Variants in LRMDA observed in about 807,000 individuals in gnomAD.
LRMDA encodes the protein leucine-rich melanocyte differentiation-associated protein.
In LRMDA, 18 loss-of-function variants were observed where a neutral mutation model predicts 29.8. The observed-to-expected ratio is 0.60, with a 90% CI of 0.42 to 0.90. LRMDA has a LOEUF of 0.90. Ranked by LOEUF, LRMDA falls within the 40% of genes least tolerant of loss-of-function variation. The pLI, the probability that LRMDA is intolerant of heterozygous loss-of-function variation, is 0.00. For missense variants in LRMDA, 273 were observed against 273.9 expected, an observed-to-expected ratio of 1.00 and a Z score of 0.02; for synonymous variants, 125 against 109.4, an observed-to-expected ratio of 1.14 and a Z score of -0.89.
chr10:75,490,031 T>A (rs2132060012), intron 2 of LRMDA, among the ~76,000 whole-genome samples: 1 of 152,308 alleles, frequency 6.6e-6, no homozygotes, highest in African/African-American at 2.4e-5. Flanking sequence ...TTATAGCAGT[T>A]ACTGTGCCTG....
At chr10:76,527,895 G>A (rs1165398373) in intron 6 of LRMDA, among the ~76,000 whole-genome samples, 1 of 152,150 alleles carries the variant, frequency 6.6e-6, no homozygotes, top group African/African-American at 2.4e-5. Context: ...AATCCAGGGA[G>A]TGTGGTATAT....
At chr10:76,127,501 A>T (rs146565626) in intron 5 of LRMDA, among the ~76,000 whole-genome samples, 5 of 152,162 alleles carry the variant, frequency 3.3e-5, no homozygotes, top group Non-Finnish European at 5.9e-5. Flanking sequence ...TACTTATGTT[A>T]GTTGTGTTTA....
intron 4 of LRMDA, among the ~76,000 whole-genome samples, chr10:76,049,792 C>G (rs570470296): frequency 6.6e-6 from 1 of 152,154 alleles, no homozygotes; most frequent in Non-Finnish European, 1.5e-5. Context: ...GCCCTTCATC[C>G]ACAAAACACG....
intron 2 of LRMDA, among the ~76,000 whole-genome samples, chr10:75,674,435 T>C (rs1222126237): frequency 3.3e-5 from 5 of 152,218 alleles, no homozygotes; most frequent in Non-Finnish European, 7.3e-5. Flanking sequence ...TTTCTTCTTA[T>C]GGCTTCCTTC....
chr10:76,424,570 G>A (rs1289101306), intron 6 of LRMDA, among the ~76,000 whole-genome samples: 1 of 152,042 alleles, frequency 6.6e-6, no homozygotes, highest in East Asian at 1.9e-4. Context: ...AAACAGGTAG[G>A]ACCACAACAG....
intron 2 of LRMDA, among the ~76,000 whole-genome samples, chr10:75,658,058 C>T (rs1445870145): frequency 6.6e-6 from 1 of 151,938 alleles, no homozygotes; most frequent in Non-Finnish European, 1.5e-5. Context: ...CTTTTTTGTA[C>T]CTATCCCAAA....
At chr10:75,713,758 A>G (rs529363175) in intron 2 of LRMDA, among the ~76,000 whole-genome samples, 1 of 152,162 alleles carries the variant, frequency 6.6e-6, no homozygotes, top group African/African-American at 2.4e-5. Flanking sequence ...ATTGATGCTG[A>G]TGGATCTAGT....
intron 2 of LRMDA, among the ~76,000 whole-genome samples, chr10:75,529,697 A>G (rs1342690658): frequency 6.6e-6 from 1 of 152,218 alleles, no homozygotes; most frequent in East Asian, 1.9e-4. Context: ...ATTGTTATTG[A>G]ATTATCAGTA....
intron 5 of LRMDA, among the ~76,000 whole-genome samples, chr10:76,233,671 T>C (rs1162568591): frequency 6.6e-6 from 1 of 152,212 alleles, no homozygotes; most frequent in Non-Finnish European, 1.5e-5. Context: ...TCAAGAATGT[T>C]CACAGCATCT....
At chr10:76,033,809 T>C (rs750666036) in intron 2 of LRMDA, among the ~76,000 whole-genome samples, 2 of 152,030 alleles carry the variant, frequency 1.3e-5, no homozygotes, top group African/African-American at 2.4e-5. Context: ...CATCACTCCC[T>C]AACCCCTAGT....
intron 2 of LRMDA, among the ~76,000 whole-genome samples, chr10:75,937,221 T>A (rs1846311263): frequency 6.6e-6 from 1 of 152,224 alleles, no homozygotes; most frequent in African/African-American, 2.4e-5. Context: ...TAAATATTTT[T>A]AAAATCTTAT....
At chr10:76,309,526 C>T (rs958285500) in intron 5 of LRMDA, among the ~76,000 whole-genome samples, 5 of 152,010 alleles carry the variant, frequency 3.3e-5, no homozygotes, top group East Asian at 3.9e-4. Flanking sequence ...GATATTAAAG[C>T]GAAATGTGAA....
rs188401918 is a variant in LRMDA at position 76,181,791 on chromosome 10, C to T, written c.516+123008C>T. On this transcript the variant is annotated intron_variant, in intron 5 of 6. Coordinates refer to ENST00000611255, the MANE Select transcript of LRMDA (RefSeq NM_001305581.2). Reference sequence around the variant, plus strand: ...CCATCTTGACTGAAAACTTAACCTACCACTTGTTGGAGGCCTTTGGGACTA... The same window carrying T: ...CCATCTTGACTGAAAACTTAACCTATCACTTGTTGGAGGCCTTTGGGACTA... 2.0e-4 allele frequency among the ~76,000 whole-genome samples: 31 copies of T among 152,300 alleles called. No individual in the cohort carries two copies. In the East Asian group the frequency reaches 6.0e-3, roughly 29 times the overall value.
chr10:75,758,859 G>C (rs142505718), intron 2 of LRMDA, among the ~76,000 whole-genome samples: 3 of 152,152 alleles, frequency 2.0e-5, no homozygotes, highest in African/African-American at 7.2e-5. Flanking sequence ...GTTATTATCT[G>C]GGTAGAGGAT....
chr10:76,327,674 A>C (rs553724662), intron 6 of LRMDA, among the ~76,000 whole-genome samples: 19 of 152,316 alleles, frequency 1.2e-4, no homozygotes, highest in Admixed American at 9.8e-4. Context: ...ACCCAGGGGA[A>C]GGGTGAGTAT....
chr10:75,521,624 C>T (rs1845360431), intron 2 of LRMDA, among the ~76,000 whole-genome samples: 1 of 152,160 alleles, frequency 6.6e-6, no homozygotes. Context: ...AATGGCTTCC[C>T]TTGACTAGGA....
intron 6 of LRMDA, among the ~76,000 whole-genome samples, chr10:76,361,712 A>G (rs139427868): frequency 6.8e-4 from 103 of 152,324 alleles, no homozygotes; most frequent in African/African-American, 2.2e-3. Context: ...AGAACACTAT[A>G]TAAACTTAAT....
At chr10:75,744,401 G>A (rs1189543701) in intron 2 of LRMDA, among the ~76,000 whole-genome samples, 1 of 152,176 alleles carries the variant, frequency 6.6e-6, no homozygotes, top group African/African-American at 2.4e-5. Flanking sequence ...TAAAAGAATA[G>A]ACTCTTGTGT....
In LRMDA at chr10:76,058,933, A is replaced by G. The variant is rs1330678785; in HGVS notation, c.516+150A>G. 5.1e-5 allele frequency: 34 copies of G among 665,966 alleles called. No homozygotes were observed. The Admixed American group carries it at 6.7e-4, about 13-fold the overall frequency. 41.3% of individuals were successfully genotyped at this position (665,966 alleles called of 1,614,324 possible). Reference sequence around the variant, plus strand: ...TCCATGGATACATTGTTGGCCAAACATGAAATAGGGTTAGGTGTAAATTGG... The same window carrying G: ...TCCATGGATACATTGTTGGCCAAACGTGAAATAGGGTTAGGTGTAAATTGG... On this transcript the variant is annotated intron_variant, in intron 5 of 6. Transcript: ENST00000611255.
Sources: allele counts gnomAD v4.1 joint callset (sites outside exome capture counted in the v4.1 genomes callset), GRCh38; gene constraint gnomAD v4.1.1; transcripts MANE v1.5; gene names NCBI Gene and HGNC (gene_info 2026-07-23, HGNC 2026-07-21).